NCKAP1: variants seen among roughly 807,000 people sequenced by gnomAD.
The protein encoded by NCKAP1 is nck-associated protein 1.
In NCKAP1, 21 loss-of-function variants were observed where a neutral mutation model predicts 151.2. The ratio of observed to expected loss-of-function variants is 0.14; its 90% confidence interval spans 0.10 to 0.20. NCKAP1 has a LOEUF of 0.20. Ranked by LOEUF, NCKAP1 falls within the 10% of genes least tolerant of loss-of-function variation. NCKAP1 has a pLI of 1.00. For missense variants in NCKAP1, 933 were observed against 1,352.1 expected (o/e 0.69, Z 4.86); for synonymous variants, 484 against 451.8 (o/e 1.07, Z -0.90).
intron 12 of NCKAP1, among the ~76,000 whole-genome samples, 155 bp from the exon 13 acceptor site, chr2:182,981,531 T>G (rs1697938736): frequency 6.6e-6 from 1 of 151,720 alleles, no homozygotes; most frequent in African/African-American, 2.4e-5. Flanking sequence ...AATCATTTCA[T>G]GAATAAAGAA....
rs1214100460 is a variant in NCKAP1, at chr2:182,917,634, A to T, written c.*8068T>A. 1 of 152,214 alleles carries T rather than the reference A, an allele frequency of 6.6e-6. No individual in the cohort carries two copies. The highest frequency in any genetic ancestry group is 1.5e-5 in the Non-Finnish European group (1 of 68,034). 9.4% of individuals were successfully genotyped at this position (152,214 alleles called of 1,614,324 possible). A position where few individuals can be genotyped will look rare whatever the true frequency, so the allele number is the denominator to read the frequency against. Reference sequence around the variant, plus strand: ...TCACATTTAGAGAGCTCTTGGCACGAACTTTAATATTAGACCAAGTGTTGT... The same window carrying T: ...TCACATTTAGAGAGCTCTTGGCACGTACTTTAATATTAGACCAAGTGTTGT... On this transcript the variant is annotated 3_prime_UTR_variant, in exon 31 of 31. Transcript: ENST00000361354.
In NCKAP1 at chr2:183,025,063, C is replaced by G. The variant is rs185521564; in HGVS notation, c.109-1147G>C. 2.7e-6 allele frequency: 4 copies of G among 1,478,624 alleles called. No homozygotes were observed. The African/African-American group carries it at 4.4e-5, about 16-fold the overall frequency. 91.6% of individuals were successfully genotyped at this position (1,478,624 alleles called of 1,614,324 possible). Reference sequence around the variant, plus strand: ...ACAATGATTGTCAAACTATGATATACGTTTCAGAAGAAAACTTATGCACTG... The same window carrying G: ...ACAATGATTGTCAAACTATGATATAGGTTTCAGAAGAAAACTTATGCACTG... On this transcript the variant is annotated intron_variant, in intron 1 of 30. Coordinates refer to ENST00000361354, the MANE Select transcript of NCKAP1 (RefSeq NM_013436.5).
chr2:182,938,416 A>T (rs780784949), intron 24 of NCKAP1, among the ~76,000 whole-genome samples: 12 of 152,346 alleles, frequency 7.9e-5, no homozygotes, highest in South Asian at 2.1e-4. Flanking sequence ...AGAATAAAAG[A>T]GATAAACACG....
At chr2:183,000,692 T>C (rs1408552999) in intron 6 of NCKAP1, among the ~76,000 whole-genome samples, 1 of 152,186 alleles carries the variant, frequency 6.6e-6, no homozygotes, top group East Asian at 1.9e-4. Flanking sequence ...AAAACCTATA[T>C]AAATTTGTGT....
chr2:182,983,370 G>A lies in NCKAP1; in HGVS notation c.1017C>T (p.His339=). The A allele has an allele frequency of 6.2e-7, 1 of 1,611,182 alleles. No individual in the cohort carries two copies. Among genetic ancestry groups the A allele is most frequent in the Non-Finnish European group, 8.5e-7 (1 of 1,177,620 alleles). ...ATCTTAAAAACTTGCGTCTTTCTCT[G>A]TGCATTGAACCACTATGGGGAAAGA... ...EAAVSHAGSM[H]RERRKFLRSA... Residue 339 remains histidine, a synonymous_variant, in exon 11 of 31, where the codon CAC becomes CAT. Transcript: ENST00000361354.
chr2:182,953,645 A>T (rs962215984), intron 20 of NCKAP1, among the ~76,000 whole-genome samples: 2 of 152,112 alleles, frequency 1.3e-5, no homozygotes, highest in African/African-American at 4.8e-5. Flanking sequence ...CACTAAAAAT[A>T]CAAAAATTAG....
intron 6 of NCKAP1, among the ~76,000 whole-genome samples, chr2:182,996,199 T>A (rs1698265002): frequency 6.6e-6 from 1 of 152,250 alleles, no homozygotes; most frequent in African/African-American, 2.4e-5. Flanking sequence ...TTTCTGATAG[T>A]TCCAAAAGAA....
chr2:182,951,437 G>A (rs1435739278), intron 23 of NCKAP1, among the ~76,000 whole-genome samples: 1 of 151,472 alleles, frequency 6.6e-6, no homozygotes, highest in Non-Finnish European at 1.5e-5. Flanking sequence ...GGGAGGCCGA[G>A]GTGGGTGGAT....
At chr2:182,926,454 A>G (rs1203789147) in intron 30 of NCKAP1, among the ~76,000 whole-genome samples, 8 of 152,080 alleles carry the variant, frequency 5.3e-5, no homozygotes, top group Non-Finnish European at 8.8e-5. Flanking sequence ...ACAGAGAATT[A>G]CAGAAAATTA....
intron 18 of NCKAP1, among the ~76,000 whole-genome samples, chr2:182,960,254 A>G (rs1697417875): frequency 6.6e-6 from 1 of 152,228 alleles, no homozygotes; most frequent in Non-Finnish European, 1.5e-5. Context: ...ATGGAACCAA[A>G]AAAGAGCCCG....
At chr2:182,954,765 G>A (rs1317563362) in intron 20 of NCKAP1, among the ~76,000 whole-genome samples, 1 of 151,764 alleles carries the variant, frequency 6.6e-6, no homozygotes, top group African/African-American at 2.4e-5. Flanking sequence ...CAGCCTGGAC[G>A]AAAGAACAAA....
At chr2:182,970,108 A>G (rs1383916183) in intron 15 of NCKAP1, among the ~76,000 whole-genome samples, 1 of 152,210 alleles carries the variant, frequency 6.6e-6, no homozygotes, top group African/African-American at 2.4e-5. Flanking sequence ...ATGAGATAGA[A>G]GCAGTAATAA....
At chr2:182,975,955 A>T (rs1697814192) in intron 15 of NCKAP1, among the ~76,000 whole-genome samples, 1 of 150,082 alleles carries the variant, frequency 6.7e-6, no homozygotes, top group South Asian at 2.1e-4. Flanking sequence ...AAAAATAAAT[A>T]GCAAAACAGT....
Position 182,912,517 on chromosome 2 carries a change from G to T in NCKAP1, c.*13185C>A, listed in dbSNP as rs958654206. On this transcript the variant is annotated 3_prime_UTR_variant, in exon 31 of 31. Transcript: ENST00000361354. Reference sequence around the variant, plus strand: ...CTGTAAAAATTATATATTCAGAAAGGCATTTTTCTCAGCAAAAGGGAAAAA... The same window carrying T: ...CTGTAAAAATTATATATTCAGAAAGTCATTTTTCTCAGCAAAAGGGAAAAA... 6.6e-6 allele frequency: 1 copy of T among 152,128 alleles called. No individual in the cohort carries two copies. Among genetic ancestry groups the T allele is most frequent in the African/African-American group, 2.4e-5 (1 of 41,430 alleles). The allele number at this position is 152,128 out of a possible 1,614,324, so 9.4% of individuals were successfully genotyped here.
At chr2:183,020,949 C>T (rs1359428765) in intron 2 of NCKAP1, among the ~76,000 whole-genome samples, 2 of 151,974 alleles carry the variant, frequency 1.3e-5, no homozygotes, top group African/African-American at 4.8e-5. Context: ...CATAGTACTT[C>T]AGCAGGTAAA....
intron 24 of NCKAP1, among the ~76,000 whole-genome samples, chr2:182,935,659 TTATAA>T (rs1447153183): frequency 6.6e-6 from 1 of 151,748 alleles, no homozygotes; most frequent in East Asian, 1.9e-4. Context: ...TAAATTATAT[TTATAA>T]TATAACTTTA....
At chr2:183,008,624 A>T (rs1698528031) in intron 2 of NCKAP1, among the ~76,000 whole-genome samples, 1 of 152,060 alleles carries the variant, frequency 6.6e-6, no homozygotes, top group Non-Finnish European at 1.5e-5. Context: ...GCTCTTCAAC[A>T]TTTCTGAGCA....
chr2:182,991,036 T>C (rs1698158752), intron 8 of NCKAP1, among the ~76,000 whole-genome samples: 1 of 152,216 alleles, frequency 6.6e-6, no homozygotes, highest in Admixed American at 6.5e-5. Flanking sequence ...AACATTATCC[T>C]CTTATGTACT....
At position 183,037,882 on chromosome 2, in the gene NCKAP1, G is replaced by T. The variant is rs954407413; in HGVS notation, c.108+110C>A. The stretch of plus-strand genomic sequence containing the variant: ...GGGCCGGGCCTCGGGCGGCGACGCC[G>T]AGATTTCTACACCCGGCGCCTCCTG... On this transcript the variant is annotated intron_variant, in intron 1 of 30. Transcript: ENST00000361354. The T allele has an allele frequency of 5.0e-6, 4 of 807,032 alleles. No homozygotes were observed. In the South Asian group the frequency reaches 8.8e-5, roughly 18 times the overall value. The allele number at this position is 807,032 out of a possible 1,614,324, so 50.0% of individuals were successfully genotyped here.
Sources: allele counts gnomAD v4.1 joint callset (sites outside exome capture counted in the v4.1 genomes callset), GRCh38; gene constraint gnomAD v4.1.1; transcripts MANE v1.5; gene names NCBI Gene and HGNC (gene_info 2026-07-23, HGNC 2026-07-21).